The following USH2A variants were observed in gnomAD, a reference collection of about 807,000 sequenced individuals.
USH2A encodes usherin, also known as Usher syndrome 2A (autosomal recessive, mild).
A neutral mutation model predicts 538.9 loss-of-function variants in USH2A; 443 were observed. That is an observed-to-expected ratio of 0.82 (90% CI 0.76 to 0.89). The LOEUF is 0.89. Among genes scored for constraint, USH2A ranks in the 40% least tolerant of loss-of-function variants. The probability of loss-of-function intolerance (pLI) is 0.00; values close to 1 mark genes in which losing one functional copy is unlikely to be tolerated. For synonymous variants in USH2A, 2,413 were observed against 2,273.5 expected, an observed-to-expected ratio of 1.06 and a Z score of -1.75; for missense variants, 6,633 against 6,324.8, an observed-to-expected ratio of 1.05 and a Z score of -1.65.
chr1:216,127,269 T>A (rs1451035695), intron 21 of USH2A, among the ~76,000 whole-genome samples: 2 of 152,196 alleles, frequency 1.3e-5, no homozygotes, highest in African/African-American at 4.8e-5. Flanking sequence ...ATGGCCAAAC[T>A]CTTTCATAAA....
intron 61 of USH2A, among the ~76,000 whole-genome samples, chr1:215,719,506 T>A (rs552260970): frequency 9.9e-5 from 15 of 152,186 alleles, no homozygotes; most frequent in Non-Finnish European, 1.6e-4. Context: ...AGAATTTTAT[T>A]GCAAGGTGAG....
intron 13 of USH2A, among the ~76,000 whole-genome samples, chr1:216,240,930 C>T (rs1572082770): frequency 6.6e-6 from 1 of 152,110 alleles, no homozygotes; most frequent in African/African-American, 2.4e-5. Flanking sequence ...ACTCATATAT[C>T]TAGTGGGAAA....
At chr1:216,033,592 G>A (rs1243120044) in intron 32 of USH2A, among the ~76,000 whole-genome samples, 1 of 152,158 alleles carries the variant, frequency 6.6e-6, no homozygotes, top group Non-Finnish European at 1.5e-5. Context: ...GTGTAATAGG[G>A]CAACAGCAGT....
intron 21 of USH2A, among the ~76,000 whole-genome samples, chr1:216,119,175 C>G (rs2033074265): frequency 6.6e-6 from 1 of 152,134 alleles, no homozygotes; most frequent in Non-Finnish European, 1.5e-5. Flanking sequence ...TCTCCCCAAC[C>G]CCATCACTAA....
intron 68 of USH2A, among the ~76,000 whole-genome samples, chr1:215,640,006 A>G (rs538338891): frequency 6.6e-6 from 1 of 152,294 alleles, no homozygotes; most frequent in South Asian, 2.1e-4. Flanking sequence ...TCTCATTTCA[A>G]TTTAAAAACA....
intron 21 of USH2A, among the ~76,000 whole-genome samples, chr1:216,124,765 C>T (rs1162913520): frequency 6.6e-6 from 1 of 152,162 alleles, no homozygotes; most frequent in African/African-American, 2.4e-5. Flanking sequence ...AATGCCATTT[C>T]CCCTAATTAT....
intron 21 of USH2A, among the ~76,000 whole-genome samples, chr1:216,133,427 CAT>C (rs768680685): frequency 6.6e-6 from 1 of 151,950 alleles, no homozygotes; most frequent in South Asian, 2.1e-4. Context: ...ATAAAAAAGA[CAT>C]ATGTGGGAGT....
At chr1:215,912,039 G>A (rs966516240) in intron 38 of USH2A, among the ~76,000 whole-genome samples, 6 of 151,954 alleles carry the variant, frequency 3.9e-5, no homozygotes, top group African/African-American at 1.4e-4. Context: ...ATATTTTGCT[G>A]ATTTTTTGAT....
At chr1:216,323,276 TTATATATATA>T (rs67957139) in intron 8 of USH2A, among the ~76,000 whole-genome samples, 188 bp downstream of exon 8, 3 of 137,106 alleles carry the variant, frequency 2.2e-5, no homozygotes, top group South Asian at 2.3e-4. Context: ...AAAATACGTT[TTATATATATA>T]TATATATATA....
chr1:215,626,112 G>C (rs1656014536), intron 71 of USH2A, among the ~76,000 whole-genome samples: 1 of 151,668 alleles, frequency 6.6e-6, no homozygotes, highest in Non-Finnish European at 1.5e-5. Context: ...GGGTTATATT[G>C]TGTCATATTT....
At chr1:215,736,391 C>T (rs1221666903) in intron 60 of USH2A, among the ~76,000 whole-genome samples, 6 of 152,094 alleles carry the variant, frequency 3.9e-5, no homozygotes, top group African/African-American at 1.2e-4. Context: ...AAACAGAATA[C>T]AAAGTCCTAA....
chr1:216,348,154 C>T (rs1047533587), intron 4 of USH2A, among the ~76,000 whole-genome samples: 18 of 152,088 alleles, frequency 1.2e-4, no homozygotes, highest in African/African-American at 4.3e-4. Flanking sequence ...CTAATTTCTT[C>T]AGAATTTAGA....
At chr1:215,946,128 A>T (rs1009439129) in intron 37 of USH2A, among the ~76,000 whole-genome samples, 2 of 152,212 alleles carry the variant, frequency 1.3e-5, no homozygotes, top group African/African-American at 4.8e-5. Context: ...ACATACTTTT[A>T]GCTTTCCTGG....
chr1:215,712,768 A>C lies in USH2A; in HGVS notation c.12066+15262T>G, dbSNP rs567436570. 3.9e-5 allele frequency among the ~76,000 whole-genome samples: 6 copies of C among 152,152 alleles called. No homozygotes were observed. The East Asian group carries it at 1.2e-3, about 29-fold the overall frequency. ...AATGCAGGGGAAACAAGAAAATATA[A>C]TAAATTTTCCTTCCTTCCTTCCTGT... On this transcript the variant is annotated intron_variant, in intron 61 of 71. Coordinates refer to ENST00000307340, the MANE Select transcript of USH2A (RefSeq NM_206933.4).
intron 4 of USH2A, among the ~76,000 whole-genome samples, chr1:216,334,882 C>T (rs1274462136): frequency 6.6e-6 from 1 of 151,766 alleles, no homozygotes; most frequent in African/African-American, 2.4e-5. Flanking sequence ...TACTTTCAAT[C>T]ATGGAGAGAG....
At chr1:216,358,668 T>C (rs922309077) in intron 4 of USH2A, among the ~76,000 whole-genome samples, 1 of 152,104 alleles carries the variant, frequency 6.6e-6, no homozygotes, top group African/African-American at 2.4e-5. Flanking sequence ...TATAAATTGA[T>C]AGAATAAAGA....
rs1657033067 is a variant in USH2A, at chr1:215,650,679, C to T, written c.14256G>A (p.Val4752=). Residue 4752 remains valine, a synonymous_variant, in exon 65 of 72, where the codon GTG becomes GTA. Coordinates refer to ENST00000307340, the MANE Select transcript of USH2A (RefSeq NM_206933.4). Reference sequence around the variant, plus strand: ...GCTTCCCAGGGGCACTGATGTTGACCACTGCTTGGGTAGAAGAGATCACAT... The same window carrying T: ...GCTTCCCAGGGGCACTGATGTTGACTACTGCTTGGGTAGAAGAGATCACAT... ...TFHVISSTQA[V]VNISAPGKPN... is the part of the protein sequence containing the mutation. 3 of 1,613,832 alleles carry T rather than the reference C, an allele frequency of 1.9e-6. No individual in the cohort carries two copies. The highest frequency in any genetic ancestry group is 1.1e-5 in the South Asian group (1 of 91,080).
At chr1:216,245,662 C>T (rs181754779) in intron 13 of USH2A, among the ~76,000 whole-genome samples, 22 of 152,200 alleles carry the variant, frequency 1.4e-4, no homozygotes, top group Admixed American at 3.3e-4. Context: ...TTAATACTTA[C>T]ATCACAAAAA....
intron 32 of USH2A, among the ~76,000 whole-genome samples, chr1:216,008,914 G>C (rs1331310757): frequency 6.6e-6 from 1 of 151,972 alleles, no homozygotes; most frequent in Non-Finnish European, 1.5e-5. Context: ...ATCATTGCAG[G>C]GACGCCTCTC....
Sources: gnomAD v4.1 joint callset for allele counts (sites outside exome capture counted in the v4.1 genomes callset) on GRCh38, gnomAD v4.1.1 for gene constraint, MANE v1.5 for transcripts, NCBI Gene and HGNC (gene_info 2026-07-23, HGNC 2026-07-21) for gene names.